The following GUCY1A2 variants were observed in gnomAD, a reference collection of about 807,000 sequenced individuals.
The protein encoded by GUCY1A2 is guanylate cyclase soluble subunit alpha-2.
GUCY1A2 carries 27 observed loss-of-function variants against 63.5 expected under a neutral mutation model. That is an observed-to-expected ratio of 0.43 (90% CI 0.31 to 0.59). The LOEUF (loss-of-function observed/expected upper bound fraction) is 0.59. Among genes scored for constraint, GUCY1A2 ranks in the 20% least tolerant of loss-of-function variants. GUCY1A2 has a pLI of 0.11. For missense variants in GUCY1A2, 768 were observed against 913.3 expected, an observed-to-expected ratio of 0.84 and a Z score of 2.05; for synonymous variants, 364 against 343.5, an observed-to-expected ratio of 1.06 and a Z score of -0.66.
At chr11:106,709,140 T>C (rs1449206148) in intron 6 of GUCY1A2, among the ~76,000 whole-genome samples, 2 of 121,286 alleles carry the variant, frequency 1.6e-5, no homozygotes, top group African/African-American at 6.0e-5. Flanking sequence ...GATATAGTTA[T>C]ATATATTATA....
At chr11:106,970,687 G>A (rs1389485545) in intron 3 of GUCY1A2, among the ~76,000 whole-genome samples, 2 of 152,094 alleles carry the variant, frequency 1.3e-5, no homozygotes, top group African/African-American at 4.8e-5. Flanking sequence ...TTTCTTACAA[G>A]GTTAAACATA....
chr11:106,687,700 G>T lies in GUCY1A2; in HGVS notation c.2048C>A (p.Pro683Gln). ...AGGAATTTCCTTTGGAAAGTTGTCTGGAAGCTCTTCACGAGACCGCGGAAT... is the reference window on the plus strand; with the variant it reads ...AGGAATTTCCTTTGGAAAGTTGTCTTGAAGCTCTTCACGAGACCGCGGAAT... ...TFIPRSREELPDNFPKEIPGI... is the reference protein window; with the variant it reads ...TFIPRSREELQDNFPKEIPGI... Residue 683 changes from proline (P) to glutamine (Q), a missense_variant, in exon 8 of 8, where the codon CCA becomes CAA. Coordinates refer to ENST00000526355, the MANE Select transcript of GUCY1A2 (RefSeq NM_000855.3). 1 of 1,613,502 alleles carries T rather than the reference G, an allele frequency of 6.2e-7. No individual in the cohort carries two copies. Among genetic ancestry groups the T allele is most frequent in the Non-Finnish European group, 8.5e-7 (1 of 1,179,442 alleles).
chr11:106,797,350 T>G (rs117753236), intron 5 of GUCY1A2, among the ~76,000 whole-genome samples: 1 of 152,050 alleles, frequency 6.6e-6, no homozygotes, highest in African/African-American at 2.4e-5. Context: ...AGAGGCGCTC[T>G]GATCAACATT....
rs140698714 is a variant in GUCY1A2, at chr11:106,856,425, C to CT, written c.1207-45948dup. On this transcript the variant is annotated intron_variant, in intron 4 of 7. Coordinates refer to ENST00000526355, the MANE Select transcript of GUCY1A2 (RefSeq NM_000855.3). ...ACCACAGAGAATAAAAAAGATCTGCCTTTTTTTTTCTGAATCTGAAGCTAT... is the reference window on the plus strand; with the variant it reads ...ACCACAGAGAATAAAAAAGATCTGCCTTTTTTTTTTCTGAATCTGAAGCTAT... 6.1e-3 allele frequency among the ~76,000 whole-genome samples: 915 copies of CT among 150,916 alleles called. 8 individuals carry two copies. Among genetic ancestry groups the CT allele is most frequent in the African/African-American group, 0.021 (873 of 41,126 alleles).
intron 6 of GUCY1A2, among the ~76,000 whole-genome samples, chr11:106,709,331 T>TA (rs1276050798): frequency 1.6e-4 from 8 of 49,636 alleles, no homozygotes; most frequent in African/African-American, 7.6e-4. Context: ...ATATATTATA[T>TA]AAATATATAT....
intron 2 of GUCY1A2, among the ~76,000 whole-genome samples, chr11:106,981,480 A>C (rs1861334358): frequency 1.4e-5 from 2 of 143,768 alleles, no homozygotes; most frequent in African/African-American, 5.0e-5. Flanking sequence ...ATTCTGGCAA[A>C]AAAAAAAAAA....
intron 3 of GUCY1A2, among the ~76,000 whole-genome samples, chr11:106,970,836 G>A (rs942341374): frequency 2.7e-5 from 4 of 149,026 alleles, no homozygotes; most frequent in Admixed American, 2.0e-4. Context: ...TTCAATTAAT[G>A]AATGGATAAG....
At chr11:106,941,173 C>T (rs1343521524) in intron 3 of GUCY1A2, among the ~76,000 whole-genome samples, 1 of 152,164 alleles carries the variant, frequency 6.6e-6, no homozygotes, top group Non-Finnish European at 1.5e-5. Flanking sequence ...GAGGAGGAAT[C>T]TGATGAGACA....
At chr11:106,975,776 T>C (rs1242423898) in intron 3 of GUCY1A2, among the ~76,000 whole-genome samples, 6 of 152,188 alleles carry the variant, frequency 3.9e-5, no homozygotes, top group South Asian at 4.1e-4. Context: ...AAACACCTTG[T>C]AGGGCACAAC....
chr11:106,817,472 G>A (rs1016617437), intron 4 of GUCY1A2, among the ~76,000 whole-genome samples: 9 of 152,120 alleles, frequency 5.9e-5, no homozygotes, highest in Admixed American at 5.2e-4. Context: ...GACCCCAAAA[G>A]CACAGACAAT....
intron 6 of GUCY1A2, among the ~76,000 whole-genome samples, chr11:106,763,716 T>C (rs1311798890): frequency 2.0e-5 from 3 of 152,074 alleles, no homozygotes; most frequent in Non-Finnish European, 2.9e-5. Context: ...CAGATTAGTA[T>C]TTGGCACTCA....
intron 3 of GUCY1A2, among the ~76,000 whole-genome samples, chr11:106,959,689 C>G (rs968599078): frequency 6.6e-6 from 1 of 152,228 alleles, no homozygotes; most frequent in African/African-American, 2.4e-5. Flanking sequence ...TTGCCCCAGT[C>G]AGGGGCAATT....
chr11:106,783,996 A>G (rs1450234546), intron 5 of GUCY1A2, among the ~76,000 whole-genome samples: 1 of 152,150 alleles, frequency 6.6e-6, no homozygotes, highest in Non-Finnish European at 1.5e-5. Context: ...GCCTTCAGAA[A>G]GTCCGTGGCA....
rs576327624 is a variant in GUCY1A2 at position 106,759,671 on chromosome 11, T to C, written c.1836+16768A>G. Among the ~76,000 whole-genome samples the C allele has an allele frequency of 2.0e-5, 3 of 152,324 alleles. No individual in the cohort carries two copies. In the South Asian group the frequency reaches 6.2e-4, roughly 32 times the overall value. ...AGAAATGGCCAGGTGTGATGGCTCA[T>C]GCCTGTAATCCCAGCACTTTGGGAG... On this transcript the variant is annotated intron_variant, in intron 6 of 7. Coordinates refer to ENST00000526355, the MANE Select transcript of GUCY1A2 (RefSeq NM_000855.3).
chr11:107,011,504 C>A (rs12290498), intron 1 of GUCY1A2, among the ~76,000 whole-genome samples: 10,180 of 144,480 alleles, frequency 0.07, 749 homozygotes, highest in African/African-American at 0.19. Flanking sequence ...ATAATCAGGA[C>A]TATATAATAT....
chr11:106,839,149 T>C (rs1323716759), intron 4 of GUCY1A2, among the ~76,000 whole-genome samples: 1 of 152,062 alleles, frequency 6.6e-6, no homozygotes, highest in South Asian at 2.1e-4. Context: ...AATTAATTTT[T>C]GTATAAGGTG....
At chr11:106,978,573 C>A (rs746551183) in intron 3 of GUCY1A2, 46 bp downstream of exon 3, 2 of 1,284,338 alleles carry the variant, frequency 1.6e-6, no homozygotes, top group South Asian at 2.7e-5. Flanking sequence ...GACTTTCCCT[C>A]TCTTTCATTC....
At chr11:106,868,370 C>G (rs944525807) in intron 4 of GUCY1A2, among the ~76,000 whole-genome samples, 2 of 152,052 alleles carry the variant, frequency 1.3e-5, no homozygotes, top group African/African-American at 2.4e-5. Context: ...TCGTCTCAGC[C>G]CCAAATCTCC....
At chr11:106,827,003 C>A in intron 4 of GUCY1A2, 2 of 1,609,606 alleles carry the variant, frequency 1.2e-6, no homozygotes, top group South Asian at 1.1e-5. Flanking sequence ...TCCACATAGA[C>A]AGGCCACATC....
Sources: allele counts gnomAD v4.1 joint callset (sites outside exome capture counted in the v4.1 genomes callset), GRCh38; gene constraint gnomAD v4.1.1; transcripts MANE v1.5; gene names NCBI Gene and HGNC (gene_info 2026-07-23, HGNC 2026-07-21).